Variants in SRBD1 observed in about 807,000 individuals in gnomAD.
SRBD1 encodes the protein S1 RNA-binding domain-containing protein 1.
A neutral mutation model predicts 115.3 loss-of-function variants in SRBD1; 88 were observed. The observed-to-expected ratio is 0.76, with a 90% CI of 0.64 to 0.91. SRBD1 has a LOEUF of 0.91. Among genes scored for constraint, SRBD1 ranks in the 40% least tolerant of loss-of-function variants. The pLI, the probability that SRBD1 is intolerant of heterozygous loss-of-function variation, is 0.00. For synonymous variants in SRBD1, 509 were observed against 407.7 expected (o/e 1.25, Z -2.99); for missense variants, 1,385 against 1,177.4 (o/e 1.18, Z -2.58).
chr2:45,573,543 A>G (rs926589516), intron 8 of SRBD1, among the ~76,000 whole-genome samples: 4 of 152,154 alleles, frequency 2.6e-5, no homozygotes, highest in African/African-American at 9.7e-5. Context: ...CTCCAGATCT[A>G]TTTATATATC....
Position 45,488,266 on chromosome 2 carries a change from C to T in SRBD1, c.1940G>A (p.Gly647Glu), listed in dbSNP as rs1425404532. The T allele has an allele frequency of 5.0e-6, 8 of 1,613,832 alleles. No individual in the cohort carries two copies. The highest frequency in any genetic ancestry group is 6.8e-6 in the Non-Finnish European group (8 of 1,179,942). ...VSPEANKEMP[G>E]LDPNLRSAVS... ...TGCACTTCTCAAATTAGGGTCCAGC[C>T]CTGGCATCTCTTTGTTAGCTTCAGG... Residue 647 changes from glycine (G) to glutamate (E), a missense_variant, in exon 15 of 21, where the codon GGG becomes GAG. By Grantham distance (98) the Gly-to-Glu change is moderately conservative. Coordinates refer to ENST00000263736, the MANE Select transcript of SRBD1 (RefSeq NM_018079.5).
chr2:45,540,363 A>G (rs914051422), intron 14 of SRBD1, among the ~76,000 whole-genome samples: 3 of 151,950 alleles, frequency 2.0e-5, no homozygotes, highest in South Asian at 4.1e-4. Flanking sequence ...AAAAAATTAA[A>G]TGAGTGGATG....
intron 16 of SRBD1, among the ~76,000 whole-genome samples, chr2:45,472,651 C>T (rs1406776437): frequency 6.6e-6 from 1 of 152,130 alleles, no homozygotes; most frequent in Non-Finnish European, 1.5e-5. Flanking sequence ...TAGCTTCAAG[C>T]TGTTTTTAAA....
chr2:45,556,880 G>A (rs1471813802), intron 10 of SRBD1, among the ~76,000 whole-genome samples: 5 of 152,046 alleles, frequency 3.3e-5, no homozygotes, highest in African/African-American at 1.2e-4. Flanking sequence ...CATAAGCAAG[G>A]GACTTATAAT....
chr2:45,604,398 A>AGGGGGGGGGGGGGGGGGGGGG (rs1179478169), intron 2 of SRBD1, among the ~76,000 whole-genome samples: 2 of 140,200 alleles, frequency 1.4e-5, no homozygotes, highest in African/African-American at 5.5e-5. Context: ...GGGTGGAGGA[A>AGGGGGGGGGGGGGGGGGGGGG]GGGGAGGGCT....
intron 14 of SRBD1, among the ~76,000 whole-genome samples, chr2:45,517,310 G>A (rs185175205): frequency 1.3e-5 from 2 of 152,014 alleles, no homozygotes; most frequent in Middle Eastern, 3.4e-3. Flanking sequence ...CTGTTTTTAC[G>A]ACTATCACAT....
chr2:45,537,257 A>G (rs551900730), intron 14 of SRBD1, among the ~76,000 whole-genome samples: 11 of 152,300 alleles, frequency 7.2e-5, no homozygotes, highest in Admixed American at 1.3e-4. Flanking sequence ...ATATACCAAG[A>G]ATATCGGTTA....
chr2:45,430,248 C>T (rs569804123), intron 16 of SRBD1, among the ~76,000 whole-genome samples: 1 of 152,140 alleles, frequency 6.6e-6, no homozygotes, highest in Non-Finnish European at 1.5e-5. Context: ...CTATCCCCCC[C>T]ATCAAGCTAC....
chr2:45,595,048 T>G (rs908970362), intron 4 of SRBD1, among the ~76,000 whole-genome samples: 1 of 152,234 alleles, frequency 6.6e-6, no homozygotes, highest in Non-Finnish European at 1.5e-5. Flanking sequence ...CCCCCCTGCT[T>G]AATTCATTAG....
intron 16 of SRBD1, among the ~76,000 whole-genome samples, chr2:45,431,660 G>C (rs996087218): frequency 6.6e-6 from 1 of 152,150 alleles, no homozygotes; most frequent in East Asian, 1.9e-4. Context: ...ATAGCATTAG[G>C]AGAAATACCT....
chr2:45,411,345 G>C (rs1365163003), intron 19 of SRBD1, among the ~76,000 whole-genome samples: 3 of 152,076 alleles, frequency 2.0e-5, no homozygotes, highest in Admixed American at 2.0e-4. Flanking sequence ...TCATTAACAG[G>C]AAAATAGATA....
At chr2:45,452,285 G>T (rs1012721817) in intron 16 of SRBD1, among the ~76,000 whole-genome samples, 2 of 151,806 alleles carry the variant, frequency 1.3e-5, no homozygotes, top group Non-Finnish European at 2.9e-5. Flanking sequence ...ATTGCTGCAG[G>T]ATAGTTTAAT....
At chr2:45,594,229 T>C (rs1040409786) in intron 4 of SRBD1, among the ~76,000 whole-genome samples, 1 of 152,200 alleles carries the variant, frequency 6.6e-6, no homozygotes, top group African/African-American at 2.4e-5. Context: ...TGTCATCCCA[T>C]GGCTTTCTTC....
Position 45,556,511 on chromosome 2 carries a change from G to A in SRBD1, c.1410-2781C>T, listed in dbSNP as rs1245822087. 2.3e-5 allele frequency among the ~76,000 whole-genome samples: 3 copies of A among 130,832 alleles called. No individual in the cohort carries two copies. In the Admixed American group the frequency reaches 2.8e-4, roughly 12 times the overall value. 85.8% of individuals were successfully genotyped at this position (130,832 alleles called of 152,430 possible). ...CTCATCTCATTCTGTCACCCAGGCT[G>A]GAGTGCAGAGGCACAATCTTGGCTC... On this transcript the variant is annotated intron_variant, in intron 10 of 20. Coordinates refer to ENST00000263736, the MANE Select transcript of SRBD1 (RefSeq NM_018079.5).
intron 10 of SRBD1, among the ~76,000 whole-genome samples, chr2:45,554,831 CCT>C (rs1394696096): frequency 6.6e-6 from 1 of 152,094 alleles, no homozygotes; most frequent in Non-Finnish European, 1.5e-5. Context: ...TCACACAGAC[CCT>C]GTTACTAGAT....
At position 45,599,836 on chromosome 2, in the gene SRBD1, CT is replaced by C; in HGVS notation, c.262-2del. Reference sequence around the variant, plus strand: ...TATCAGCAATAGCCACAGAGCTATTCTATCAAACCACAAAGAGAACATATGA... The same window carrying C: ...TATCAGCAATAGCCACAGAGCTATTCATCAAACCACAAAGAGAACATATGA... On this transcript the variant is annotated splice_acceptor_variant, in intron 3 of 20. Transcript: ENST00000263736. LOFTEE classifies it high-confidence loss of function. The C allele has an allele frequency of 6.2e-7, 1 of 1,602,050 alleles. No individual in the cohort carries two copies. The highest frequency in any genetic ancestry group is 8.5e-7 in the Non-Finnish European group (1 of 1,175,714).
At chr2:45,409,707 C>T (rs1043084867) in intron 19 of SRBD1, among the ~76,000 whole-genome samples, 2 of 151,956 alleles carry the variant, frequency 1.3e-5, no homozygotes, top group African/African-American at 2.4e-5. Context: ...ATACAAAACT[C>T]GTATTTTTAT....
At chr2:45,513,151 A>C (rs1419907244) in intron 14 of SRBD1, among the ~76,000 whole-genome samples, 2 of 152,162 alleles carry the variant, frequency 1.3e-5, no homozygotes, top group Admixed American at 1.3e-4. Flanking sequence ...ATATTCTTCT[A>C]TAATTTTTAT....
At chr2:45,500,615 C>G (rs1476162205) in intron 14 of SRBD1, among the ~76,000 whole-genome samples, 1 of 151,930 alleles carries the variant, frequency 6.6e-6, no homozygotes, top group Non-Finnish European at 1.5e-5. Context: ...GGGGTTTCAC[C>G]ATGTTGCCCA....
Sources: allele counts gnomAD v4.1 joint callset (sites outside exome capture counted in the v4.1 genomes callset), GRCh38; gene constraint gnomAD v4.1.1; transcripts MANE v1.5; gene names NCBI Gene and HGNC (gene_info 2026-07-23, HGNC 2026-07-21).